GREM2: variants seen among roughly 807,000 people sequenced by gnomAD.
GREM2 encodes the protein gremlin-2.
A neutral mutation model predicts 14.2 loss-of-function variants in GREM2; 11 were observed. The ratio of observed to expected loss-of-function variants is 0.78; its 90% CI spans 0.49 to 1.28. The LOEUF (loss-of-function observed/expected upper bound fraction) is 1.28, where lower values mean the gene tolerates loss of function less well. Among genes scored for constraint, GREM2 ranks in the 50% most tolerant of loss-of-function variants. The pLI, the probability that GREM2 is intolerant of heterozygous loss-of-function variation, is 0.00. For synonymous variants in GREM2, 98 were observed against 97.6 expected (o/e 1.00, Z -0.02); for missense variants, 210 against 218.5 (o/e 0.96, Z 0.24).
intron 1 of GREM2, among the ~76,000 whole-genome samples, chr1:240,545,289 T>G (rs1463073703): frequency 6.6e-6 from 1 of 152,224 alleles, no homozygotes. Context: ...TCTGAGGGCT[T>G]TCGGATAGTT....
chr1:240,525,129 T>G (rs1678193195), intron 1 of GREM2, among the ~76,000 whole-genome samples: 1 of 152,182 alleles, frequency 6.6e-6, no homozygotes, highest in Non-Finnish European at 1.5e-5. Context: ...CCTTCTCCCT[T>G]TAACACTGGA....
intron 1 of GREM2, among the ~76,000 whole-genome samples, chr1:240,524,601 G>A (rs939327532): frequency 3.3e-5 from 5 of 152,184 alleles, no homozygotes; most frequent in Non-Finnish European, 7.3e-5. Flanking sequence ...AAATTCCCCA[G>A]GGACCTGAGA....
At chr1:240,572,930 A>C (rs1338944579) in intron 1 of GREM2, among the ~76,000 whole-genome samples, 1 of 152,198 alleles carries the variant, frequency 6.6e-6, no homozygotes, top group Non-Finnish European at 1.5e-5. Context: ...TGTTTTCCTT[A>C]CCTGAATAAT....
At chr1:240,503,965 A>G (rs1677627241) in intron 1 of GREM2, among the ~76,000 whole-genome samples, 1 of 152,214 alleles carries the variant, frequency 6.6e-6, no homozygotes, top group African/African-American at 2.4e-5. Flanking sequence ...TTATTAATTT[A>G]TGAATGAATG....
intron 1 of GREM2, among the ~76,000 whole-genome samples, chr1:240,605,995 A>G (rs916161175): frequency 6.6e-6 from 1 of 152,188 alleles, no homozygotes; most frequent in Admixed American, 6.5e-5. Context: ...CATAAGGGAT[A>G]AATAACACAA....
At chr1:240,581,133 C>G (rs1679474546) in intron 1 of GREM2, among the ~76,000 whole-genome samples, 1 of 151,864 alleles carries the variant, frequency 6.6e-6, no homozygotes, top group African/African-American at 2.4e-5. Context: ...GCCTGTAGTC[C>G]CAGCTACTTG....
At chr1:240,580,952 G>A (rs1173951831) in intron 1 of GREM2, among the ~76,000 whole-genome samples, 1 of 152,080 alleles carries the variant, frequency 6.6e-6, no homozygotes, top group East Asian at 1.9e-4. Flanking sequence ...TAGCTTGTTA[G>A]TTAAGAGCAT....
intron 1 of GREM2, among the ~76,000 whole-genome samples, chr1:240,529,332 T>A (rs549579486): frequency 6.7e-6 from 1 of 150,248 alleles, no homozygotes; most frequent in Non-Finnish European, 1.5e-5. Flanking sequence ...ATCAAAGAAT[T>A]TAGGAAATGA....
Position 240,553,054 on chromosome 1 carries a change from T to C in GREM2, c.-2+58830A>G, listed in dbSNP as rs1295131036. Among the ~76,000 whole-genome samples the C allele has an allele frequency of 3.9e-5, 6 of 152,270 alleles. No homozygotes were observed. In the South Asian group the frequency reaches 1.2e-3, roughly 32 times the overall value. On this transcript the variant is annotated intron_variant, in intron 1 of 1. Coordinates refer to ENST00000318160, the MANE Select transcript of GREM2 (RefSeq NM_022469.4). ...GGCAGAAACTCTGTATTGGAAATTG[T>C]ATATGGCAAACTGATCTCAGCATGC...
chr1:240,496,842 T>C (rs1003497015), intron 1 of GREM2, among the ~76,000 whole-genome samples: 1 of 152,066 alleles, frequency 6.6e-6, no homozygotes, highest in African/African-American at 2.4e-5. Context: ...AAACCCCGTC[T>C]CTACTAAAAA....
At position 240,518,355 on chromosome 1, in the gene GREM2, A is replaced by C. The variant is rs533838965; in HGVS notation, c.-1-24879T>G. 8.9e-4 allele frequency among the ~76,000 whole-genome samples: 135 copies of C among 152,346 alleles called. 1 individual carries two copies. Among genetic ancestry groups the C allele is most frequent in the South Asian group, 2.9e-3 (14 of 4,828 alleles). On this transcript the variant is annotated intron_variant, in intron 1 of 1. Transcript: ENST00000318160. ...GGCAGAAGCAAAAATTGCCGTTTTG[A>C]AATATTATCATCCATCAATCTTTAT...
At chr1:240,596,478 C>T (rs754210340) in intron 1 of GREM2, among the ~76,000 whole-genome samples, 1 of 152,096 alleles carries the variant, frequency 6.6e-6, no homozygotes, top group African/African-American at 2.4e-5. Context: ...AGGTGGATCA[C>T]CTGAGATCAG....
intron 1 of GREM2, among the ~76,000 whole-genome samples, chr1:240,555,932 AT>A: frequency 6.6e-6 from 1 of 152,204 alleles, no homozygotes; most frequent in South Asian, 2.1e-4. Context: ...TTTGGCTCTT[AT>A]TTTCCCTTTT....
chr1:240,515,503 AT>A (rs10713938), intron 1 of GREM2, among the ~76,000 whole-genome samples: 111,618 of 152,042 alleles, frequency 0.73, 42,248 homozygotes, highest in African/African-American at 0.92. Context: ...GAAGTATTCT[AT>A]TATCAGGGAG....
At chr1:240,581,266 A>T (rs1679478951) in intron 1 of GREM2, among the ~76,000 whole-genome samples, 1 of 151,528 alleles carries the variant, frequency 6.6e-6, no homozygotes, top group Non-Finnish European at 1.5e-5. Context: ...AAAAAAAAAA[A>T]GAGCATAAAC....
At chr1:240,599,813 G>A (rs144434910) in intron 1 of GREM2, among the ~76,000 whole-genome samples, 7 of 152,344 alleles carry the variant, frequency 4.6e-5, no homozygotes, top group African/African-American at 1.7e-4. Flanking sequence ...TTCTAGAAAT[G>A]ATTAGGACTG....
intron 1 of GREM2, among the ~76,000 whole-genome samples, chr1:240,510,848 G>C (rs1490472520): frequency 6.6e-6 from 1 of 152,136 alleles, no homozygotes; most frequent in African/African-American, 2.4e-5. Flanking sequence ...GTAGAAAGTG[G>C]CATTAGGTAT....
chr1:240,552,355 G>A (rs989336041), intron 1 of GREM2, among the ~76,000 whole-genome samples: 3 of 152,090 alleles, frequency 2.0e-5, no homozygotes, highest in Admixed American at 6.6e-5. Context: ...CTGAGGTGGG[G>A]GGGTCGCTTA....
At chr1:240,535,652 A>G (rs1010838158) in intron 1 of GREM2, among the ~76,000 whole-genome samples, 3 of 152,038 alleles carry the variant, frequency 2.0e-5, no homozygotes, top group African/African-American at 7.2e-5. Context: ...TACAAGAATT[A>G]GCCAGGTGTC....
Sources: gnomAD v4.1 joint callset for allele counts (sites outside exome capture counted in the v4.1 genomes callset) on GRCh38, gnomAD v4.1.1 for gene constraint, MANE v1.5 for transcripts, NCBI Gene and HGNC (gene_info 2026-07-23, HGNC 2026-07-21) for gene names.